Variants in MYO9A observed in about 807,000 individuals in gnomAD.
The protein encoded by MYO9A is unconventional myosin-IXa.
A neutral mutation model predicts 293.3 loss-of-function variants in MYO9A; 103 were observed. That is an observed-to-expected ratio of 0.35 (90% CI 0.30 to 0.41). MYO9A has a LOEUF of 0.41. Ranked by LOEUF, MYO9A falls within the 10% of genes least tolerant of loss-of-function variation. The pLI, the probability that MYO9A is intolerant of heterozygous loss-of-function variation, is 1.00. For synonymous variants in MYO9A, 1,001 were observed against 1,035.7 expected (o/e 0.97, Z 0.64); for missense variants, 2,685 against 3,033.0 (o/e 0.89, Z 2.69).
rs11368306 is a variant in MYO9A, at chr15:71,825,995, G to GTTTTTT, written c.*579_*584dup. 31 of 91,494 alleles carry GTTTTTT rather than the reference G, an allele frequency of 3.4e-4. No individual in the cohort carries two copies. The highest frequency in any genetic ancestry group is 1.0e-3 in the East Asian group (3 of 2,982). 5.7% of individuals were successfully genotyped at this position (91,494 alleles called of 1,614,324 possible). A position where few individuals can be genotyped will look rare whatever the true frequency, so the allele number is the denominator to read the frequency against. ...ATGGAAACAATCACGGTTTTTTTTT[G>GTTTTTT]TTTTTTTTTTTTTGTTTTTTTTTTT... On this transcript the variant is annotated 3_prime_UTR_variant, in exon 42 of 42. Coordinates refer to ENST00000356056, the MANE Select transcript of MYO9A (RefSeq NM_006901.4).
chr15:71,923,279 G>A, intron 18 of MYO9A, among the ~76,000 whole-genome samples: 1 of 152,096 alleles, frequency 6.6e-6, no homozygotes, highest in Non-Finnish European at 1.5e-5. Context: ...TTTCCTAGTA[G>A]TTTGTTGAGG....
At position 71,854,512 on chromosome 15, in the gene MYO9A, C is replaced by T. The variant is rs2055786080; in HGVS notation, c.6211G>A (p.Glu2071Lys). The change falls in exon 35 of 42, where the codon GAA becomes AAA. Residue 2071 changes from glutamate (E) to lysine (K), a missense_variant. Glu to Lys is a moderately conservative substitution (Grantham distance 56). Around this residue, in one of 10 missense-constraint regions of MYO9A, gnomAD observed 238 missense variants for 269.1 expected, o/e 0.88. Transcript: ENST00000356056. ...ACTACTAAAGGAACAGTTCGGTCTT[C>T]ACTGGTCAAACGGGACAGTTCAACC... ...FGVELSRLTS[E>K]DRTVPLVVEK... is the part of the protein sequence containing the mutation. 1 of 1,613,056 alleles carries T rather than the reference C, an allele frequency of 6.2e-7. No individual in the cohort carries two copies. The highest frequency in any genetic ancestry group is 2.2e-5 in the East Asian group (1 of 44,846).
chr15:72,030,594 G>A (rs769698801), intron 3 of MYO9A, among the ~76,000 whole-genome samples: 4 of 151,952 alleles, frequency 2.6e-5, no homozygotes, highest in Non-Finnish European at 4.4e-5. Flanking sequence ...GACGATCACA[G>A]CTCACTGCAA....
At position 72,066,400 on chromosome 15, in the gene MYO9A, C is replaced by T. The variant is rs530001860; in HGVS notation, c.-71-19766G>A. Among the ~76,000 whole-genome samples the T allele has an allele frequency of 2.0e-5, 3 of 151,142 alleles. No individual in the cohort carries two copies. The East Asian group carries it at 5.9e-4, about 30-fold the overall frequency. On this transcript the variant is annotated intron_variant, in intron 1 of 41. Coordinates refer to ENST00000356056, the MANE Select transcript of MYO9A (RefSeq NM_006901.4). ...ACTCAGGAGGCTGAGGCAGGGGAAT[C>T]GCTTGAACCCGGGTGGTGGAGGTTG...
Position 71,839,410 on chromosome 15 carries a change from C to T in MYO9A, c.6838-9099G>A, listed in dbSNP as rs530895765. Among the ~76,000 whole-genome samples the T allele has an allele frequency of 6.5e-4, 98 of 150,068 alleles. No individual in the cohort carries two copies. In the Middle Eastern group the frequency reaches 0.014, roughly 21 times the overall value. ...TTGATGTGAATCAGGTTTTTTTTTT[C>T]TTTCTTTCTTTCTTTAAAGATACAG... On this transcript the variant is annotated intron_variant, in intron 39 of 41. Coordinates refer to ENST00000356056, the MANE Select transcript of MYO9A (RefSeq NM_006901.4).
intron 1 of MYO9A, among the ~76,000 whole-genome samples, chr15:72,111,565 C>T (rs1403902326): frequency 1.3e-5 from 2 of 151,414 alleles, no homozygotes; most frequent in Admixed American, 1.3e-4. Flanking sequence ...TGAGTACCTA[C>T]TATATGCTTG....
At chr15:72,045,661 C>A (rs971149668) in intron 2 of MYO9A, 63 bp downstream of exon 2, 2 of 1,465,152 alleles carry the variant, frequency 1.4e-6, no homozygotes, top group Non-Finnish European at 1.8e-6. Flanking sequence ...GAATGGTACA[C>A]CCCCCCACCT....
At chr15:72,013,181 A>C (rs568500934) in intron 6 of MYO9A, among the ~76,000 whole-genome samples, 1 of 152,240 alleles carries the variant, frequency 6.6e-6, no homozygotes, top group Non-Finnish European at 1.5e-5. Context: ...GCTAACTACT[A>C]TGAAAGTAGT....
At chr15:71,893,854 A>C in intron 25 of MYO9A, 76 bp from the exon 26 acceptor site, 4 of 1,107,762 alleles carry the variant, frequency 3.6e-6, no homozygotes, top group Non-Finnish European at 4.0e-6. Context: ...GACTTCCAGC[A>C]AATTCCATAA....
intron 1 of MYO9A, among the ~76,000 whole-genome samples, chr15:72,104,651 CAACT>C (rs2080505896): frequency 6.6e-6 from 1 of 152,248 alleles, no homozygotes; most frequent in Non-Finnish European, 1.5e-5. Context: ...TTCCCTAAAC[CAACT>C]GTCATTCTAC....
intron 11 of MYO9A, among the ~76,000 whole-genome samples, chr15:71,988,288 A>G (rs1211372107): frequency 6.6e-6 from 1 of 152,210 alleles, no homozygotes; most frequent in Non-Finnish European, 1.5e-5. Flanking sequence ...GATTCAATAG[A>G]CATGGATGGC....
At chr15:71,834,925 TGTA>T (rs565430573) in intron 39 of MYO9A, among the ~76,000 whole-genome samples, 9 of 152,198 alleles carry the variant, frequency 5.9e-5, no homozygotes, top group Non-Finnish European at 8.8e-5. Context: ...TTGGATTTAT[TGTA>T]GTAGTATGAT....
At chr15:72,100,912 G>A (rs1403389500) in intron 1 of MYO9A, among the ~76,000 whole-genome samples, 1 of 143,624 alleles carries the variant, frequency 7.0e-6, no homozygotes, top group African/African-American at 2.6e-5. Flanking sequence ...CGGTCCGGGA[G>A]GGAGGTGGGG....
At position 71,972,567 on chromosome 15, in the gene MYO9A, C is replaced by A. The variant is rs908968204; in HGVS notation, c.1845-4442G>T. On this transcript the variant is annotated intron_variant, in intron 12 of 41. Coordinates refer to ENST00000356056, the MANE Select transcript of MYO9A (RefSeq NM_006901.4). ...GTATCAAATTTGAATTAGAGGACAC[C>A]CAGTTGGTGTCCACTGCTTGCTGGT... Among the ~76,000 whole-genome samples, 12 of 152,178 alleles carry A rather than the reference C, an allele frequency of 7.9e-5. No homozygotes were observed. The South Asian group carries it at 2.1e-3, about 26-fold the overall frequency.
At chr15:71,847,776 A>G (rs2055454501) in intron 39 of MYO9A, among the ~76,000 whole-genome samples, 1 of 152,212 alleles carries the variant, frequency 6.6e-6, no homozygotes, top group African/African-American at 2.4e-5. Flanking sequence ...TTTAGATAGT[A>G]TCCCCTATGA....
intron 39 of MYO9A, among the ~76,000 whole-genome samples, chr15:71,830,647 G>T (rs1376159187): frequency 6.6e-6 from 1 of 152,034 alleles, no homozygotes; most frequent in Non-Finnish European, 1.5e-5. Context: ...AATTAAAATT[G>T]AACTAACATT....
At chr15:72,055,380 T>C (rs1248835291) in intron 1 of MYO9A, among the ~76,000 whole-genome samples, 1 of 152,160 alleles carries the variant, frequency 6.6e-6, no homozygotes, top group Non-Finnish European at 1.5e-5. Context: ...TTCTACAAGA[T>C]AATGTCAGAA....
At chr15:72,024,340 G>C (rs1313271795) in intron 4 of MYO9A, among the ~76,000 whole-genome samples, 5 of 152,210 alleles carry the variant, frequency 3.3e-5, no homozygotes, top group African/African-American at 4.8e-5. Flanking sequence ...CTGGAGTGCA[G>C]TGGCATGATC....
At chr15:71,968,160 G>GA in intron 12 of MYO9A, 35 bp from the exon 13 acceptor site, 1 of 1,482,856 alleles carries the variant, frequency 6.7e-7, no homozygotes, top group Non-Finnish European at 9.0e-7. Context: ...TATCATTACA[G>GA]AAAGATGAGA....
Sources: gnomAD v4.1 joint callset for allele counts (sites outside exome capture counted in the v4.1 genomes callset) on GRCh38, gnomAD v4.1.1 for gene constraint, gnomAD v4.1.1 regional missense constraint, MANE v1.5 for transcripts, NCBI Gene and HGNC (gene_info 2026-07-23, HGNC 2026-07-21) for gene names.